PTPN5: variants seen among roughly 807,000 people sequenced by gnomAD.
The protein encoded by PTPN5 is protein tyrosine phosphatase non-receptor type 5.
Under a neutral mutation model 73.9 loss-of-function variants are expected in PTPN5, and 29 were observed. The observed-to-expected ratio is 0.39, with a 90% confidence interval of 0.29 to 0.54. The LOEUF (loss-of-function observed/expected upper bound fraction) is 0.54. Ranked by LOEUF, PTPN5 falls within the 20% of genes least tolerant of loss-of-function variation. The pLI, the probability that PTPN5 is intolerant of heterozygous loss-of-function variation, is 0.65. For synonymous variants in PTPN5, 267 were observed against 304.7 expected (o/e 0.88, Z 1.29); for missense variants, 652 against 751.4 (o/e 0.87, Z 1.55).
chr11:18,782,666 A>G (rs1009806495), intron 1 of PTPN5, among the ~76,000 whole-genome samples: 1 of 152,198 alleles, frequency 6.6e-6, no homozygotes, highest in Admixed American at 6.5e-5. Context: ...GGTGATGGAA[A>G]TCTTCTGAGT....
At chr11:18,754,023 AG>A (rs1850014684) in intron 3 of PTPN5, among the ~76,000 whole-genome samples, 1 of 152,226 alleles carries the variant, frequency 6.6e-6, no homozygotes, top group African/African-American at 2.4e-5. Context: ...CTGTTGAGAG[AG>A]GGGGCACAGC....
At position 18,740,719 on chromosome 11, in the gene PTPN5, T is replaced by A. The variant is rs1316315915; in HGVS notation, c.799A>T (p.Met267Leu). ...GCNEEGFGYLMSPREESAREY... is the reference protein window; with the variant it reads ...GCNEEGFGYLLSPREESAREY... ...CGGGCGGACTCCTCACGTGGGGACA[T>A]GAGATAGCCAAAGCCCTCCTCGTTG... Residue 267 changes from methionine to leucine, a missense_variant, in exon 8 of 15, where the codon ATG (methionine) becomes TTG (leucine). Met to Leu is a conservative substitution (Grantham distance 15). Coordinates refer to ENST00000358540, the MANE Select transcript of PTPN5 (RefSeq NM_006906.2). 2 of 1,602,538 alleles carry A rather than the reference T, an allele frequency of 1.2e-6. No individual in the cohort carries two copies. The highest frequency in any genetic ancestry group is 1.1e-5 in the South Asian group (1 of 89,678).
In PTPN5 at chr11:18,733,093, C is replaced by A. The variant is rs1848957226; in HGVS notation, c.1218+142G>T. The A allele has an allele frequency of 3.1e-6, 4 of 1,293,538 alleles. 1 individual carries two copies. Among genetic ancestry groups the A allele is most frequent in the Middle Eastern group, 4.3e-4 (2 of 4,678 alleles). 80.1% of individuals were successfully genotyped at this position (1,293,538 alleles called of 1,614,324 possible). On this transcript the variant is annotated intron_variant, in intron 11 of 14. Transcript: ENST00000358540. The surrounding 1 kb of genome is among the most constrained non-coding windows in gnomAD (Gnocchi z 4.3). ...GCCCGGGGCAAATGACTTAACCTTA[C>A]CGAGCCTCACATCTCCTCATCTTGG... is the stretch of plus-strand genomic sequence containing the variant.
At chr11:18,782,006 G>T (rs979742565) in intron 1 of PTPN5, among the ~76,000 whole-genome samples, 2 of 152,222 alleles carry the variant, frequency 1.3e-5, no homozygotes, top group Non-Finnish European at 2.9e-5. Flanking sequence ...CCAGGCAGAC[G>T]AGGCAGCTCA....
chr11:18,740,220 CAGA>C (rs745866254), intron 8 of PTPN5, among the ~76,000 whole-genome samples: 2 of 152,010 alleles, frequency 1.3e-5, no homozygotes, highest in African/African-American at 4.8e-5. Context: ...ATTTCAAAGG[CAGA>C]AGAACAATGC....
At chr11:18,777,340 G>A (rs1851205983) in intron 1 of PTPN5, among the ~76,000 whole-genome samples, 1 of 152,208 alleles carries the variant, frequency 6.6e-6, no homozygotes, top group South Asian at 2.1e-4. Context: ...CTACACTCCA[G>A]AGGGTTATAA....
intron 1 of PTPN5, among the ~76,000 whole-genome samples, chr11:18,775,499 G>A (rs77354676): frequency 4.0e-4 from 61 of 152,314 alleles, no homozygotes; most frequent in Admixed American, 2.2e-3. Context: ...GAAGTCCTGC[G>A]CGGGACCACG....
chr11:18,728,976 C>T lies in PTPN5; in HGVS notation c.1656G>A (p.Met552Ile). 1.2e-6 allele frequency: 2 copies of T among 1,613,710 alleles called. No homozygotes were observed. The highest frequency in any genetic ancestry group is 1.7e-6 in the Non-Finnish European group (2 of 1,179,878). The change falls in exon 15 of 15, where the codon ATG becomes ATA. Residue 552 changes from methionine (M) to isoleucine (I), a missense_variant. This residue lies in a region of PTPN5 where 21 missense variants were observed against 16.9 expected (regional missense o/e 1.24). Transcript: ENST00000358540. The surrounding 1 kb of genome is among the most constrained non-coding windows in gnomAD (Gnocchi z 4.1). ...CEQYQFVHHV[M>I]SLYEKQLSHQ... is the part of the protein sequence containing the mutation. ...GGGACAGCTGCTTTTCGTAGAGGCT[C>T]ATGACGTGGTGCACAAACTGGTACT... is the stretch of plus-strand genomic sequence containing the variant.
At chr11:18,731,730 T>C (rs923112822) in intron 12 of PTPN5, among the ~76,000 whole-genome samples, 39 of 152,160 alleles carry the variant, frequency 2.6e-4, no homozygotes, top group African/African-American at 8.9e-4. Flanking sequence ...CTCGACACCC[T>C]ACCTGGCCCC....
At chr11:18,784,932 C>A (rs188197800) in intron 1 of PTPN5, among the ~76,000 whole-genome samples, 23 of 152,210 alleles carry the variant, frequency 1.5e-4, no homozygotes, top group African/African-American at 5.3e-4. Flanking sequence ...TGGCTCACTG[C>A]AACCTCTGCC....
intron 12 of PTPN5, chr11:18,730,160 T>G (rs1848812043): frequency 2.1e-6 from 1 of 474,256 alleles, no homozygotes; most frequent in South Asian, 4.4e-5. Flanking sequence ...GTCATCCCTT[T>G]GTCACATAAC....
At position 18,729,826 on chromosome 11, in the gene PTPN5, G is replaced by C. The variant is rs1382122257; in HGVS notation, c.1330-8C>G. The C allele has an allele frequency of 1.9e-6, 3 of 1,614,100 alleles. No homozygotes were observed. Among genetic ancestry groups the C allele is most frequent in the Non-Finnish European group, 2.5e-6 (3 of 1,179,982 alleles). ...TCGCTCCTCAGTCCCACTCTGTCGA[G>C]GAGACAGAGGCCCACCCCAGGTATG... On this transcript the variant is annotated splice_polypyrimidine_tract_variant and splice_region_variant and intron_variant, in intron 12 of 14. Coordinates refer to ENST00000358540, the MANE Select transcript of PTPN5 (RefSeq NM_006906.2). This position sits in a 1 kb window ranked among gnomAD's most constrained non-coding sequence, Gnocchi z 5.2.
chr11:18,780,061 A>G (rs1851350078), intron 1 of PTPN5, among the ~76,000 whole-genome samples: 1 of 152,068 alleles, frequency 6.6e-6, no homozygotes, highest in Non-Finnish European at 1.5e-5. Flanking sequence ...CTCCAAGTCA[A>G]CCTCACACAG....
At chr11:18,758,233 A>T (rs974517760) in intron 3 of PTPN5, among the ~76,000 whole-genome samples, 1 of 152,172 alleles carries the variant, frequency 6.6e-6, no homozygotes, top group African/African-American at 2.4e-5. Context: ...TGACCCTGTG[A>T]CTGGCTTTGA....
chr11:18,775,387 G>C (rs530793173), intron 1 of PTPN5, among the ~76,000 whole-genome samples: 24 of 152,204 alleles, frequency 1.6e-4, no homozygotes, highest in African/African-American at 5.8e-4. Context: ...TAAGGCTCAG[G>C]GGGTGAAGTG....
intron 2 of PTPN5, among the ~76,000 whole-genome samples, chr11:18,767,689 G>C (rs116742132): frequency 1.3e-5 from 2 of 152,238 alleles, no homozygotes; most frequent in African/African-American, 4.8e-5. Context: ...TTCTCCAGAA[G>C]AGAGGAGCTA....
chr11:18,733,452 G>A lies in PTPN5; in HGVS notation c.1081-80C>T. On this transcript the variant is annotated intron_variant, in intron 10 of 14. Transcript: ENST00000358540. This position sits in a 1 kb window ranked among gnomAD's most constrained non-coding sequence, Gnocchi z 4.3. ...CATCCCCACACTCAGGCTCTTCACA[G>A]GAGCTGGCAGGAGCCAGACTGGTGT... is the stretch of plus-strand genomic sequence containing the variant. 6.2e-7 allele frequency: 1 copy of A among 1,609,972 alleles called. No homozygotes were observed. The highest frequency in any genetic ancestry group is 1.3e-5 in the African/African-American group (1 of 75,028).
intron 1 of PTPN5, among the ~76,000 whole-genome samples, chr11:18,774,957 C>A (rs188730312): frequency 2.4e-4 from 36 of 152,350 alleles, no homozygotes; most frequent in African/African-American, 8.7e-4. Context: ...TAGCTCCCGA[C>A]CGAAGAGGAT....
At chr11:18,752,963 C>T (rs1849959608) in intron 3 of PTPN5, among the ~76,000 whole-genome samples, 1 of 152,218 alleles carries the variant, frequency 6.6e-6, no homozygotes, top group South Asian at 2.1e-4. Flanking sequence ...CCAGGACTGC[C>T]ATGCTCATCT....
Sources: gnomAD v4.1 joint callset for allele counts (sites outside exome capture counted in the v4.1 genomes callset) on GRCh38, gnomAD v4.1.1 for gene constraint, gnomAD v4.1.1 regional missense constraint, Gnocchi (gnomAD v3.1) non-coding constraint, MANE v1.5 for transcripts, NCBI Gene and HGNC (gene_info 2026-07-23, HGNC 2026-07-21) for gene names.